The following RIPPLY3 variants were observed in gnomAD, a reference collection of about 807,000 sequenced individuals.
The protein encoded by RIPPLY3 is protein ripply3.
Under a neutral mutation model 11.9 loss-of-function variants are expected in RIPPLY3, and 8 were observed. The observed-to-expected ratio is 0.67, with a 90% CI of 0.40 to 1.21. The LOEUF is 1.21. Among genes scored for constraint, RIPPLY3 ranks in the 50% most tolerant of loss-of-function variants. RIPPLY3 has a pLI of 0.01. For synonymous variants in RIPPLY3, 102 were observed against 99.0 expected (o/e 1.03, Z -0.18); for missense variants, 271 against 246.0 (o/e 1.10, Z -0.68).
intron 2 of RIPPLY3, 121 bp from the exon 3 acceptor site, chr21:37,013,430 C>T (rs1048339417): frequency 1.4e-6 from 1 of 714,820 alleles, no homozygotes. Context: ...TCTAAACTCT[C>T]TAAAATTGGT....
At chr21:37,016,354 G>A (rs1376753038) in intron 3 of RIPPLY3, among the ~76,000 whole-genome samples, 1 of 151,990 alleles carries the variant, frequency 6.6e-6, no homozygotes, top group African/African-American at 2.4e-5. Context: ...AGAACCATTG[G>A]TCTATTGGAT....
At chr21:37,014,495 G>A (rs143238877) in intron 3 of RIPPLY3, among the ~76,000 whole-genome samples, 1,545 of 152,106 alleles carry the variant, frequency 0.01, 27 homozygotes, top group African/African-American at 0.035. Flanking sequence ...AGTGGCTCAC[G>A]TTCAGGATTT....
chr21:37,007,039 G>C (rs2069471968), intron 1 of RIPPLY3, among the ~76,000 whole-genome samples, 163 bp downstream of exon 1: 1 of 152,262 alleles, frequency 6.6e-6, no homozygotes, highest in African/African-American at 2.4e-5. Flanking sequence ...CCGGCAGCCG[G>C]GTTCCCGGGA....
chr21:37,016,336 C>T (rs1035235036), intron 3 of RIPPLY3, among the ~76,000 whole-genome samples: 6 of 152,158 alleles, frequency 3.9e-5, no homozygotes, highest in Middle Eastern at 3.4e-3. Flanking sequence ...AATGTCCCCT[C>T]GAGGTCGAGA....
At chr21:37,016,056 C>T (rs1233744115) in intron 3 of RIPPLY3, among the ~76,000 whole-genome samples, 1 of 152,084 alleles carries the variant, frequency 6.6e-6, no homozygotes, top group Non-Finnish European at 1.5e-5. Flanking sequence ...TAGGAATTCA[C>T]CTGTGAATAC....
chr21:37,012,212 T>TTTTTATTATTA (rs773284506), intron 2 of RIPPLY3, among the ~76,000 whole-genome samples: 12 of 132,512 alleles, frequency 9.1e-5, no homozygotes, highest in African/African-American at 3.2e-4. Context: ...CCGCTCCTTA[T>TTTTTATTATTA]TTATTATTAT....
rs1341985133 is a variant in RIPPLY3 at position 37,018,165 on chromosome 21, A to G, written c.531A>G (p.Gln177=). The stretch of plus-strand genomic sequence containing the variant: ...ACTGGGGGGAGGGTCCGCTCCCTCA[A>G]GGTGTCTCCTCAAGGGGTGGCAAGT... ...GDHWGEGPLP[Q]GVSSRGGKCS... is the part of the protein sequence containing the mutation. The change falls in exon 4 of 4, where the codon CAA becomes CAG. Residue 177 remains glutamine, a synonymous_variant. Coordinates refer to ENST00000329553, the MANE Select transcript of RIPPLY3 (RefSeq NM_018962.3). 2 of 1,613,978 alleles carry G rather than the reference A, an allele frequency of 1.2e-6. No homozygotes were observed. The highest frequency in any genetic ancestry group is 1.7e-6 in the Non-Finnish European group (2 of 1,179,954).
chr21:37,012,330 C>G (rs1281020728), intron 2 of RIPPLY3, among the ~76,000 whole-genome samples: 2 of 151,786 alleles, frequency 1.3e-5, no homozygotes, highest in African/African-American at 2.4e-5. Flanking sequence ...CTCCGCTTCC[C>G]GGGTTCAGGC....
intron 2 of RIPPLY3, among the ~76,000 whole-genome samples, chr21:37,011,966 G>A (rs149811350): frequency 0.16 from 22,962 of 145,196 alleles, 2,331 homozygotes; most frequent in South Asian, 0.31. Flanking sequence ...AAATGGCAGG[G>A]AAAATGTAAT....
intron 1 of RIPPLY3, among the ~76,000 whole-genome samples, chr21:37,007,915 T>A (rs190576141): frequency 2.0e-5 from 3 of 152,308 alleles, no homozygotes; most frequent in African/African-American, 7.2e-5. Context: ...GATAATTGTG[T>A]GAGATTCGGG....
At position 37,006,710 on chromosome 21, in the gene RIPPLY3, G is replaced by T. The variant is rs967325666; in HGVS notation, c.-63G>T. On this transcript the variant is annotated 5_prime_UTR_variant, in exon 1 of 4. Coordinates refer to ENST00000329553, the MANE Select transcript of RIPPLY3 (RefSeq NM_018962.3). This position sits in a 1 kb window ranked among gnomAD's most constrained non-coding sequence, Gnocchi z 5.2. Reference sequence around the variant, plus strand: ...CGCGGGTAGGTGAGCGCGTTAGCCCGAGTGGATCTAGGCGCGCTCGTAGGC... The same window carrying T: ...CGCGGGTAGGTGAGCGCGTTAGCCCTAGTGGATCTAGGCGCGCTCGTAGGC... The T allele has an allele frequency of 1.9e-6, 2 of 1,073,298 alleles. No homozygotes were observed. Among genetic ancestry groups the T allele is most frequent in the South Asian group, 9.1e-5 (2 of 21,940 alleles). 66.5% of individuals were successfully genotyped at this position (1,073,298 alleles called of 1,614,324 possible).
At position 37,016,652 on chromosome 21, in the gene RIPPLY3, C is replaced by T. The variant is rs540341316; in HGVS notation, c.240-1222C>T. On this transcript the variant is annotated intron_variant, in intron 3 of 3. Transcript: ENST00000329553. ...TTGCAGACCAGCCTGGGCAATATGGCGAAACCCTGTCTCTATGAAAAATAT... is the reference window on the plus strand; with the variant it reads ...TTGCAGACCAGCCTGGGCAATATGGTGAAACCCTGTCTCTATGAAAAATAT... Among the ~76,000 whole-genome samples, 11 of 151,988 alleles carry T rather than the reference C, an allele frequency of 7.2e-5. No individual in the cohort carries two copies. The South Asian group carries it at 2.1e-3, about 29-fold the overall frequency.
chr21:37,017,717 GT>G (rs1275381226), intron 3 of RIPPLY3, among the ~76,000 whole-genome samples, 156 bp from the exon 4 acceptor site: 1 of 152,152 alleles, frequency 6.6e-6, no homozygotes, highest in Non-Finnish European at 1.5e-5. Flanking sequence ...GGTGCCTAGA[GT>G]TCTCTGTTCT....
intron 3 of RIPPLY3, among the ~76,000 whole-genome samples, chr21:37,016,182 T>C (rs2069576127): frequency 6.6e-6 from 1 of 152,092 alleles, no homozygotes; most frequent in Non-Finnish European, 1.5e-5. Context: ...TCAGCACTAT[T>C]GGCACTTTGG....
At chr21:37,008,044 G>T (rs985960070) in intron 1 of RIPPLY3, 113 bp from the exon 2 acceptor site, 2 of 1,062,290 alleles carry the variant, frequency 1.9e-6, no homozygotes, top group South Asian at 3.0e-5. Flanking sequence ...TTCCTGGGGG[G>T]TCCGGTGCCT....
rs1423207732 is a variant in RIPPLY3 at position 37,018,066 on chromosome 21, G to A, written c.432G>A (p.Gln144=). 3 of 1,614,098 alleles carry A rather than the reference G, an allele frequency of 1.9e-6. No homozygotes were observed. The highest frequency in any genetic ancestry group is 1.7e-5 in the Admixed American group (1 of 60,014). ...TGCCCCAGGAGGTGGGAGGTCGGCA[G>A]GAAAATGGCCCAGGGGGAAAGGGCA... ...HLLPQEVGGR[Q]ENGPGGKGRD... Residue 144 remains glutamine (Q), a synonymous_variant, in exon 4 of 4, where the codon CAG becomes CAA. Transcript: ENST00000329553.
chr21:37,010,563 A>G (rs1266894143), intron 2 of RIPPLY3, among the ~76,000 whole-genome samples: 3 of 152,196 alleles, frequency 2.0e-5, no homozygotes, highest in African/African-American at 7.2e-5. Context: ...TCTGAGCAGC[A>G]CGGTCACCCT....
chr21:37,015,466 G>C (rs1230919455), intron 3 of RIPPLY3, among the ~76,000 whole-genome samples: 5 of 152,058 alleles, frequency 3.3e-5, no homozygotes, highest in African/African-American at 4.8e-5. Context: ...CACCGCACCC[G>C]GCCATTCTGT....
intron 3 of RIPPLY3, among the ~76,000 whole-genome samples, chr21:37,015,494 T>C (rs1392034752): frequency 6.6e-6 from 1 of 152,148 alleles, no homozygotes; most frequent in Non-Finnish European, 1.5e-5. Flanking sequence ...TAGTTGAAAA[T>C]GCTGTGACTG....
Sources: allele counts gnomAD v4.1 joint callset (sites outside exome capture counted in the v4.1 genomes callset), GRCh38; gene constraint gnomAD v4.1.1; non-coding constraint Gnocchi (gnomAD v3.1); transcripts MANE v1.5; gene names NCBI Gene and HGNC (gene_info 2026-07-23, HGNC 2026-07-21).